Variants in ITGAL observed in about 807,000 individuals in gnomAD.
The protein encoded by ITGAL is integrin alpha-L.
Under a neutral mutation model 138.4 loss-of-function variants are expected in ITGAL, and 68 were observed. The observed-to-expected ratio is 0.49, with a 90% CI of 0.40 to 0.60. The LOEUF (loss-of-function observed/expected upper bound fraction) is 0.60, where lower values mean the gene tolerates loss of function less well. Ranked by LOEUF, ITGAL falls within the 20% of genes least tolerant of loss-of-function variation. The pLI is 0.00. For missense variants in ITGAL, 1,256 were observed against 1,478.6 expected, an observed-to-expected ratio of 0.85 and a Z score of 2.47; for synonymous variants, 561 against 584.3, an observed-to-expected ratio of 0.96 and a Z score of 0.57.
intron 7 of ITGAL, 93 bp downstream of exon 7, chr16:30,481,677 A>C: frequency 9.2e-7 from 1 of 1,091,044 alleles, no homozygotes; most frequent in Non-Finnish European, 1.4e-6. Context: ...CTCAGTAGGT[A>C]GGTACAGCAA....
intron 18 of ITGAL, 182 bp from the exon 19 acceptor site, chr16:30,505,062 C>A (rs1267725588): frequency 6.8e-6 from 3 of 444,382 alleles, no homozygotes; most frequent in African/African-American, 2.0e-5. Context: ...TAAGACTGCA[C>A]AAATGGCAGT....
chr16:30,485,753 C>T lies in ITGAL; in HGVS notation c.1006+1490C>T, dbSNP rs186295054. On this transcript the variant is annotated intron_variant, in intron 9 of 30. Transcript: ENST00000356798. ...CTCGCTATGTTGCCTGGGCTGGTCTCGAATTCCTGGCCCCAAGCAATCTGC... is the reference window on the plus strand; with the variant it reads ...CTCGCTATGTTGCCTGGGCTGGTCTTGAATTCCTGGCCCCAAGCAATCTGC... Among the ~76,000 whole-genome samples, 180 of 147,848 alleles carry T rather than the reference C, an allele frequency of 1.2e-3. 1 individual carries two copies. Among genetic ancestry groups the T allele is most frequent in the East Asian group, 2.8e-3 (14 of 4,966 alleles).
chr16:30,499,605 C>T, intron 17 of ITGAL, 116 bp downstream of exon 17: 1 of 931,784 alleles, frequency 1.1e-6, no homozygotes, highest in South Asian at 1.6e-5. Context: ...CACTTCCTCT[C>T]CTGTGCAATG....
intron 17 of ITGAL, among the ~76,000 whole-genome samples, chr16:30,502,261 G>A (rs2050912589): frequency 6.6e-6 from 1 of 151,620 alleles, no homozygotes; most frequent in African/African-American, 2.4e-5. Context: ...GCTGGGCGTG[G>A]TGGTGGGGGC....
At chr16:30,515,145 C>A (rs2051148082) in intron 25 of ITGAL, among the ~76,000 whole-genome samples, 1 of 152,100 alleles carries the variant, frequency 6.6e-6, no homozygotes, top group Non-Finnish European at 1.5e-5. Context: ...ATATTCTAAA[C>A]CAAATTTGCT....
At position 30,519,956 on chromosome 16, in the gene ITGAL, G is replaced by T; in HGVS notation, c.3328G>T (p.Val1110Leu). The T allele has an allele frequency of 6.2e-7, 1 of 1,611,816 alleles. No homozygotes were observed. Residue 1110 changes from valine to leucine, a missense_variant, in exon 30 of 31, where the codon GTG becomes TTG. Around this residue, in one of 3 missense-constraint regions of ITGAL, gnomAD observed 867 missense variants for 972.5 expected, o/e 0.89. Coordinates refer to ENST00000356798, the MANE Select transcript of ITGAL (RefSeq NM_002209.3). ...GLLLLLLIFI[V>L]LYKVGFFKRN... ...GCTGCTGCTGCTGCTCATTTTCATA[G>T]TGCTGTACAAGGTGGGTGCCTCCGG...
chr16:30,473,041 G>C, intron 1 of ITGAL, 143 bp downstream of exon 1: 1 of 699,510 alleles, frequency 1.4e-6, no homozygotes, highest in East Asian at 2.7e-5. Context: ...ATCTTGGAAG[G>C]AGAAAGGGGA....
intron 13 of ITGAL, among the ~76,000 whole-genome samples, chr16:30,495,894 C>T (rs538680828): frequency 4.9e-4 from 75 of 152,018 alleles, no homozygotes; most frequent in African/African-American, 1.7e-3. Context: ...AATGGAAACC[C>T]CAAGCTCAGT....
Position 30,494,485 on chromosome 16 carries a change from A to T in ITGAL, c.1365+122A>T. ...CAGCCCCTGTGCTAAACATGATCACATTTATCCCTCATAACACACAGAGGT... is the reference window on the plus strand; with the variant it reads ...CAGCCCCTGTGCTAAACATGATCACTTTTATCCCTCATAACACACAGAGGT... On this transcript the variant is annotated intron_variant, in intron 12 of 30. Transcript: ENST00000356798. The surrounding 1 kb of genome is among the most constrained non-coding windows in gnomAD (Gnocchi z 4.2). The T allele has an allele frequency of 8.4e-7, 1 of 1,183,598 alleles. No homozygotes were observed. The highest frequency in any genetic ancestry group is 1.2e-6 in the Non-Finnish European group (1 of 856,886). The allele number at this position is 1,183,598 out of a possible 1,614,324, so 73.3% of individuals were successfully genotyped here.
In ITGAL at chr16:30,484,106, C is replaced by T; in HGVS notation, c.856-7C>T. On this transcript the variant is annotated splice_region_variant and splice_polypyrimidine_tract_variant and intron_variant, in intron 8 of 30. Transcript: ENST00000356798. ...ATTTCAGCTCTTCACTCTCCACTCC[C>T]TCACAGATTGGAAAGCATTTTCAGA... The T allele has an allele frequency of 1.2e-6, 2 of 1,613,012 alleles. No homozygotes were observed. Among genetic ancestry groups the T allele is most frequent in the South Asian group, 1.1e-5 (1 of 90,898 alleles).
chr16:30,521,044 A>G (rs906168390), intron 30 of ITGAL, among the ~76,000 whole-genome samples: 10 of 152,042 alleles, frequency 6.6e-5, no homozygotes, highest in Non-Finnish European at 1.2e-4. Context: ...AGATGGTGCC[A>G]TTGCACTCCA....
chr16:30,510,544 C>A, intron 22 of ITGAL, 73 bp downstream of exon 22: 2 of 886,840 alleles, frequency 2.3e-6, no homozygotes, highest in Non-Finnish European at 3.8e-6. Flanking sequence ...GAGCTCTTGG[C>A]TCAGGAGAAG....
Position 30,506,328 on chromosome 16 carries a change from C to T in ITGAL, c.2367-387C>T, listed in dbSNP as rs560853303. 2.1e-5 allele frequency among the ~76,000 whole-genome samples: 3 copies of T among 146,320 alleles called. No individual in the cohort carries two copies. The East Asian group carries it at 6.0e-4, about 29-fold the overall frequency. On this transcript the variant is annotated intron_variant, in intron 20 of 30. Transcript: ENST00000356798. Reference sequence around the variant, plus strand: ...CAGCACTTTGGGAGGCCGAGGCGGGCGGATCACGAGGTCAGGAGATTGAGA... The same window carrying T: ...CAGCACTTTGGGAGGCCGAGGCGGGTGGATCACGAGGTCAGGAGATTGAGA...
intron 24 of ITGAL, among the ~76,000 whole-genome samples, chr16:30,513,295 G>A (rs183330015): frequency 1.3e-5 from 2 of 152,306 alleles, no homozygotes; most frequent in East Asian, 3.9e-4. Flanking sequence ...GCAGTGAGGA[G>A]ACTGCCTGGA....
Position 30,489,064 on chromosome 16 carries a change from C to A in ITGAL, c.1007-18C>A. 6.2e-7 allele frequency: 1 copy of A among 1,610,402 alleles called. No homozygotes were observed. The highest frequency in any genetic ancestry group is 1.1e-5 in the South Asian group (1 of 90,984). On this transcript the variant is annotated intron_variant, in intron 9 of 30. Transcript: ENST00000356798. Reference sequence around the variant, plus strand: ...TTACTGCTGTTGGGTCTCACCTGTTCTCTGCTTTGTTCCCCAGGCACAAGC... The same window carrying A: ...TTACTGCTGTTGGGTCTCACCTGTTATCTGCTTTGTTCCCCAGGCACAAGC...
chr16:30,516,278 G>A (rs956234793), intron 25 of ITGAL, among the ~76,000 whole-genome samples: 1 of 150,996 alleles, frequency 6.6e-6, no homozygotes, highest in East Asian at 2.0e-4. Context: ...CGCCCAGGTT[G>A]GAGTGCAGTG....
In ITGAL at chr16:30,494,194, C is replaced by G; in HGVS notation, c.1214-18C>G. ...GCATCCTGTGTTCCTAACTCCACAC[C>G]CCACACACTTTCCTCAGGTTACACC... On this transcript the variant is annotated intron_variant, in intron 11 of 30. Coordinates refer to ENST00000356798, the MANE Select transcript of ITGAL (RefSeq NM_002209.3). This position sits in a 1 kb window ranked among gnomAD's most constrained non-coding sequence, Gnocchi z 4.2. The G allele has an allele frequency of 6.3e-7, 1 of 1,581,480 alleles. No individual in the cohort carries two copies. Among genetic ancestry groups the G allele is most frequent in the Non-Finnish European group, 8.6e-7 (1 of 1,157,432 alleles).
chr16:30,519,354 G>T (rs1039182059), intron 29 of ITGAL, among the ~76,000 whole-genome samples: 3 of 151,946 alleles, frequency 2.0e-5, no homozygotes, highest in Non-Finnish European at 4.4e-5. Context: ...CTACACTCCA[G>T]CCTGGGCAAC....
intron 29 of ITGAL, 98 bp downstream of exon 29, chr16:30,518,817 C>T (rs1369370804): frequency 5.7e-6 from 5 of 869,684 alleles, no homozygotes; most frequent in Non-Finnish European, 9.6e-6. Context: ...GGGCTCTGTG[C>T]GAGTCAGAAC....
Sources: allele counts gnomAD v4.1 joint callset (sites outside exome capture counted in the v4.1 genomes callset), GRCh38; gene constraint gnomAD v4.1.1; regional missense constraint gnomAD v4.1.1; non-coding constraint Gnocchi (gnomAD v3.1); transcripts MANE v1.5; gene names NCBI Gene and HGNC (gene_info 2026-07-23, HGNC 2026-07-21).